BCL2L13: variants seen among roughly 807,000 people sequenced by gnomAD.
BCL2L13 encodes the protein bcl-2-like protein 13.
Under a neutral mutation model 25.8 loss-of-function variants are expected in BCL2L13, and 13 were observed. The observed-to-expected ratio is 0.50, with a 90% CI of 0.33 to 0.80. BCL2L13 has a LOEUF of 0.80. BCL2L13 is among the 30% of genes least tolerant of loss of function. BCL2L13 has a pLI of 0.02. For missense variants in BCL2L13, 504 were observed against 574.9 expected (o/e 0.88, Z 1.26); for synonymous variants, 244 against 230.3 (o/e 1.06, Z -0.54).
chr22:17,670,652 A>G (rs1392723122), intron 2 of BCL2L13, among the ~76,000 whole-genome samples: 1 of 152,156 alleles, frequency 6.6e-6, no homozygotes, highest in East Asian at 1.9e-4. Context: ...GGCATGAGCC[A>G]CTGCGCCCGG....
At chr22:17,680,480 C>T (rs553800858) in intron 2 of BCL2L13, among the ~76,000 whole-genome samples, 2 of 129,796 alleles carry the variant, frequency 1.5e-5, no homozygotes, top group Non-Finnish European at 3.1e-5. Context: ...CTGCACTGCA[C>T]TCCAGCCTGG....
upstream of BCL2L13, chr22:17,638,479 C>T: frequency 2.5e-6 from 1 of 400,602 alleles, no homozygotes. Context: ...AGCAAGGCTT[C>T]TTTCCCTGGA....
At chr22:17,675,650 CAG>C (rs1416103942) in intron 2 of BCL2L13, among the ~76,000 whole-genome samples, 2 of 152,112 alleles carry the variant, frequency 1.3e-5, no homozygotes, top group African/African-American at 4.8e-5. Context: ...TTGAGTATGA[CAG>C]AGATTACCTT....
At chr22:17,636,439 G>A (rs1046899256), upstream of BCL2L13, among the ~76,000 whole-genome samples, 3 of 152,050 alleles carry the variant, frequency 2.0e-5, no homozygotes, top group African/African-American at 7.2e-5. Flanking sequence ...ATGCAGTGAG[G>A]TATGATTGTA....
chr22:17,650,638 A>G (rs1967842019), intron 1 of BCL2L13, among the ~76,000 whole-genome samples: 1 of 152,104 alleles, frequency 6.6e-6, no homozygotes. Flanking sequence ...AGTATATTGA[A>G]TATTCTTTTA....
chr22:17,644,427 T>C (rs2058400701), intron 1 of BCL2L13, among the ~76,000 whole-genome samples: 1 of 150,478 alleles, frequency 6.6e-6, no homozygotes, highest in Non-Finnish European at 1.5e-5. Flanking sequence ...GCCTCCTGGG[T>C]TCACGCCATT....
intron 3 of BCL2L13, chr22:17,684,498 C>G (rs1349686602): frequency 4.5e-6 from 2 of 441,952 alleles, no homozygotes; most frequent in Non-Finnish European, 9.1e-6. Context: ...CCACTGATCT[C>G]CATTCTGTTT....
At chr22:17,643,552 G>C (rs1292409710) in intron 1 of BCL2L13, among the ~76,000 whole-genome samples, 1 of 152,190 alleles carries the variant, frequency 6.6e-6, no homozygotes, top group Non-Finnish European at 1.5e-5. Context: ...CAAGCCACCA[G>C]TGAGTCATGA....
At chr22:17,699,940 C>T (rs543965229) in intron 5 of BCL2L13, among the ~76,000 whole-genome samples, 11 of 151,942 alleles carry the variant, frequency 7.2e-5, no homozygotes, top group African/African-American at 2.4e-4. Context: ...TGGCCTTGGA[C>T]GTCATCATAC....
At chr22:17,670,274 G>C (rs2146616454) in intron 2 of BCL2L13, among the ~76,000 whole-genome samples, 1 of 151,822 alleles carries the variant, frequency 6.6e-6, no homozygotes, top group South Asian at 2.1e-4. Context: ...TTAATTTTAG[G>C]ATTGGCTTGT....
chr22:17,677,828 C>T (rs925994910), intron 2 of BCL2L13, among the ~76,000 whole-genome samples: 3 of 151,196 alleles, frequency 2.0e-5, no homozygotes, highest in Admixed American at 1.3e-4. Flanking sequence ...GGCGAGATCG[C>T]GCCATTGCAT....
intron 6 of BCL2L13, among the ~76,000 whole-genome samples, chr22:17,715,869 GGAA>G (rs1245525976): frequency 1.3e-5 from 2 of 152,142 alleles, no homozygotes; most frequent in African/African-American, 2.4e-5. Flanking sequence ...TCAGAGGTAT[GGAA>G]ATACAGAGAT....
chr22:17,727,362 G>C lies in BCL2L13; in HGVS notation c.1286G>C (p.Ser429Thr), dbSNP rs11705271. The change falls in exon 7 of 7, where the codon AGC (serine) becomes ACC (threonine). Residue 429 changes from serine to threonine, a missense_variant. Coordinates refer to ENST00000317582, the MANE Select transcript of BCL2L13 (RefSeq NM_015367.4). ...ESLVEELSPASEKKPVPPSEG... is the reference protein window; with the variant it reads ...ESLVEELSPATEKKPVPPSEG... ...CTTGTGGAAGAGCTGTCCCCTGCCA[G>C]CGAGAAGAAGCCCGTGCCGCCGTCT... 6.2e-7 allele frequency: 1 copy of C among 1,614,256 alleles called. No homozygotes were observed. Among genetic ancestry groups the C allele is most frequent in the Non-Finnish European group, 8.5e-7 (1 of 1,180,054 alleles).
chr22:17,724,025 C>T (rs9617614), intron 6 of BCL2L13, among the ~76,000 whole-genome samples: 2,881 of 152,142 alleles, frequency 0.019, 84 homozygotes, highest in African/African-American at 0.066. Flanking sequence ...ATAATCTCAG[C>T]ACTTTGGGAC....
intron 6 of BCL2L13, among the ~76,000 whole-genome samples, chr22:17,715,952 C>T (rs1465429804): frequency 1.3e-5 from 2 of 152,192 alleles, no homozygotes; most frequent in South Asian, 4.1e-4. Context: ...CCAACTTTCT[C>T]ATCATCCAAG....
intron 1 of BCL2L13, among the ~76,000 whole-genome samples, chr22:17,651,579 A>G (rs2146473821): frequency 6.7e-6 from 1 of 148,246 alleles, no homozygotes; most frequent in Admixed American, 6.8e-5. Flanking sequence ...ACGGGTTTTC[A>G]CCATGTTGGC....
chr22:17,634,155 T>A (rs2058070134), upstream of BCL2L13, among the ~76,000 whole-genome samples: 1 of 152,156 alleles, frequency 6.6e-6, no homozygotes, highest in African/African-American at 2.4e-5. Flanking sequence ...CCTTGTCTGT[T>A]TCAGGACATG....
chr22:17,700,605 C>T (rs2060404218), intron 5 of BCL2L13, among the ~76,000 whole-genome samples: 1 of 152,204 alleles, frequency 6.6e-6, no homozygotes, highest in Non-Finnish European at 1.5e-5. Flanking sequence ...CCACTCCTTA[C>T]CTGCTTCTAC....
Position 17,639,935 on chromosome 22 carries a change from A to G in BCL2L13, c.-51+1049A>G, listed in dbSNP as rs1195918956. On this transcript the variant is annotated intron_variant, in intron 1 of 6. Coordinates refer to ENST00000317582, the MANE Select transcript of BCL2L13 (RefSeq NM_015367.4). ...AATGGCGCGATCTCAGCTTACCGCA[A>G]CCTCCGCCTCCTGGGTTCAAGCCAT... Among the ~76,000 whole-genome samples the G allele has an allele frequency of 1.2e-4, 17 of 147,242 alleles. No individual in the cohort carries two copies. The East Asian group carries it at 3.0e-3, about 26-fold the overall frequency.
Sources: allele counts gnomAD v4.1 joint callset (sites outside exome capture counted in the v4.1 genomes callset), GRCh38; gene constraint gnomAD v4.1.1; transcripts MANE v1.5; gene names NCBI Gene and HGNC (gene_info 2026-07-23, HGNC 2026-07-21).